ZNF804B: variants seen among roughly 807,000 people sequenced by gnomAD.
ZNF804B encodes zinc finger protein 804B.
A neutral mutation model predicts 101.4 loss-of-function variants in ZNF804B; 80 were observed. The ratio of observed to expected loss-of-function variants is 0.79; its 90% CI spans 0.66 to 0.95. The LOEUF is 0.95. Among genes scored for constraint, ZNF804B ranks in the 40% least tolerant of loss-of-function variants. The pLI is 0.00. For missense variants in ZNF804B, 1,673 were observed against 1,561.9 expected (o/e 1.07, Z -1.20); for synonymous variants, 622 against 558.8 (o/e 1.11, Z -1.59).
At chr7:89,089,674 A>G (rs779731150) in intron 1 of ZNF804B, among the ~76,000 whole-genome samples, 4 of 152,070 alleles carry the variant, frequency 2.6e-5, no homozygotes, top group Non-Finnish European at 4.4e-5. Flanking sequence ...TAAATATTGA[A>G]ATATAATTAA....
intron 1 of ZNF804B, among the ~76,000 whole-genome samples, chr7:88,962,458 C>T (rs1299271123): frequency 6.6e-6 from 1 of 150,824 alleles, no homozygotes. Flanking sequence ...AGTATTGCTC[C>T]ATCTTAGGTC....
intron 1 of ZNF804B, among the ~76,000 whole-genome samples, chr7:88,835,998 T>C (rs1037484480): frequency 6.6e-6 from 1 of 151,906 alleles, no homozygotes; most frequent in South Asian, 2.1e-4. Flanking sequence ...AATTTATAAA[T>C]GACAGGATGT....
chr7:88,967,619 C>T lies in ZNF804B; in HGVS notation c.108+207535C>T, dbSNP rs139211119. On this transcript the variant is annotated intron_variant, in intron 1 of 3. Transcript: ENST00000333190. ...TACTAATAGAACAATAGTAAAACAC[C>T]GTGGGGAGGCAGTCTAGAGCAGCTG... 4.7e-3 allele frequency among the ~76,000 whole-genome samples: 706 copies of T among 149,832 alleles called. 7 individuals carry two copies. Among genetic ancestry groups the T allele is most frequent in the African/African-American group, 0.016 (673 of 40,848 alleles).
intron 1 of ZNF804B, among the ~76,000 whole-genome samples, chr7:88,982,308 G>A (rs6974749): frequency 0.18 from 27,609 of 151,928 alleles, 2,682 homozygotes; most frequent in Middle Eastern, 0.23. Context: ...TTTCTTTCTT[G>A]TAGAGTTCAT....
At chr7:89,156,019 C>CCTTCCTTTCTTTCTTTCTTT (rs1491560521) in intron 1 of ZNF804B, among the ~76,000 whole-genome samples, 1 of 121,836 alleles carries the variant, frequency 8.2e-6, no homozygotes, top group African/African-American at 3.2e-5. Context: ...TTCTCTCTTT[C>CCTTCCTTTCTTTCTTTCTTT]CTTTCTTTCT....
intron 1 of ZNF804B, among the ~76,000 whole-genome samples, chr7:89,068,341 CTTAA>C (rs1342614098): frequency 3.3e-5 from 5 of 151,578 alleles, no homozygotes; most frequent in Admixed American, 1.3e-4. Flanking sequence ...TTAGTATATT[CTTAA>C]TTAAGATGTT....
rs1462879714 is a variant in ZNF804B, at chr7:88,820,210, C to CTGTA, written c.108+60127_108+60130dup. Reference sequence around the variant, plus strand: ...GCATCTTTTGTAGGATACAGCCAGCCTGTACTTCATGATACAAAACATTCT... The same window carrying CTGTA: ...GCATCTTTTGTAGGATACAGCCAGCCTGTATGTACTTCATGATACAAAACATTCT... On this transcript the variant is annotated intron_variant, in intron 1 of 3. Transcript: ENST00000333190. Among the ~76,000 whole-genome samples the CTGTA allele has an allele frequency of 2.0e-5, 3 of 152,286 alleles. No individual in the cohort carries two copies. In the East Asian group the frequency reaches 5.8e-4, roughly 29 times the overall value.
At chr7:89,277,777 C>T (rs1313628968) in intron 2 of ZNF804B, among the ~76,000 whole-genome samples, 1 of 151,878 alleles carries the variant, frequency 6.6e-6, no homozygotes, top group Non-Finnish European at 1.5e-5. Flanking sequence ...GGTTCCAAGT[C>T]TTTGCTACTG....
At chr7:89,033,321 A>AG (rs1419079406) in intron 1 of ZNF804B, among the ~76,000 whole-genome samples, 1 of 152,174 alleles carries the variant, frequency 6.6e-6, no homozygotes, top group African/African-American at 2.4e-5. Context: ...ATTAGTATTC[A>AG]GTCATGTGTA....
At chr7:88,877,928 G>A (rs576329054) in intron 1 of ZNF804B, among the ~76,000 whole-genome samples, 146 of 152,078 alleles carry the variant, frequency 9.6e-4, no homozygotes, top group African/African-American at 3.3e-3. Flanking sequence ...CAAAAATAGA[G>A]GTTTTGAGAA....
chr7:89,238,419 T>C (rs943959780), intron 2 of ZNF804B, among the ~76,000 whole-genome samples: 4 of 152,130 alleles, frequency 2.6e-5, no homozygotes, highest in African/African-American at 9.7e-5. Context: ...TTGAATCATT[T>C]TAGTGGGTTG....
chr7:89,171,359 C>CTTCTTCT lies in ZNF804B; in HGVS notation c.109-46795_109-46794insTCTTCTT, dbSNP rs1562904583. On this transcript the variant is annotated intron_variant, in intron 1 of 3. Transcript: ENST00000333190. Reference sequence around the variant, plus strand: ...CTTCTTCTTCTTCTTCTTCTTCTTCCTCCTCTTCCTCTTCTTCCTCTTCTT... The same window carrying CTTCTTCT: ...CTTCTTCTTCTTCTTCTTCTTCTTCCTTCTTCTTCCTCTTCCTCTTCTTCCTCTTCTT... Among the ~76,000 whole-genome samples, 162 of 66,898 alleles carry CTTCTTCT rather than the reference C, an allele frequency of 2.4e-3. 4 individuals are homozygous for CTTCTTCT. The highest frequency in any genetic ancestry group is 3.1e-3 in the Non-Finnish European group (96 of 30,878). The allele number at this position is 66,898 out of a possible 152,430, so 43.9% of individuals were successfully genotyped here. A position where few individuals can be genotyped will look rare whatever the true frequency, so the allele number is the denominator to read the frequency against.
At chr7:89,025,437 T>A (rs10279226) in intron 1 of ZNF804B, among the ~76,000 whole-genome samples, 13,842 of 152,142 alleles carry the variant, frequency 0.091, 731 homozygotes, top group Non-Finnish European at 0.11. Context: ...AAAATTATAC[T>A]ATTATAAAAA....
chr7:89,220,523 T>C (rs1477212758), intron 2 of ZNF804B, among the ~76,000 whole-genome samples: 1 of 151,956 alleles, frequency 6.6e-6, no homozygotes, highest in East Asian at 1.9e-4. Context: ...TCAATCTTGC[T>C]TGATTTATAC....
At chr7:89,303,370 C>T (rs61505474) in intron 2 of ZNF804B, among the ~76,000 whole-genome samples, 3,434 of 151,746 alleles carry the variant, frequency 0.023, 124 homozygotes, top group African/African-American at 0.078. Flanking sequence ...ATTATTGGTC[C>T]TGTGAAGATG....
chr7:89,224,207 C>G (rs926199944), intron 2 of ZNF804B, among the ~76,000 whole-genome samples: 1 of 151,954 alleles, frequency 6.6e-6, no homozygotes, highest in African/African-American at 2.4e-5. Context: ...AAAAACAAAT[C>G]CACTTTGAAA....
At chr7:88,800,457 G>C (rs917907520) in intron 1 of ZNF804B, among the ~76,000 whole-genome samples, 2 of 152,084 alleles carry the variant, frequency 1.3e-5, no homozygotes, top group Non-Finnish European at 2.9e-5. Flanking sequence ...GTAGAAAAAT[G>C]TGCCAGGCTC....
chr7:89,168,899 C>T (rs1028314890), intron 1 of ZNF804B, among the ~76,000 whole-genome samples: 4 of 152,020 alleles, frequency 2.6e-5, no homozygotes, highest in Non-Finnish European at 5.9e-5. Context: ...CGGGCCACTC[C>T]CAAGATGGCA....
At chr7:88,776,279 C>T (rs925128113) in intron 1 of ZNF804B, among the ~76,000 whole-genome samples, 9 of 152,152 alleles carry the variant, frequency 5.9e-5, no homozygotes, top group South Asian at 2.1e-4. Context: ...TCAGTAGTGA[C>T]GGGGAACTTA....
Sources: allele counts gnomAD v4.1 joint callset (sites outside exome capture counted in the v4.1 genomes callset), GRCh38; gene constraint gnomAD v4.1.1; transcripts MANE v1.5; gene names NCBI Gene and HGNC (gene_info 2026-07-23, HGNC 2026-07-21).